Variants in KRCC1 observed in about 807,000 individuals in gnomAD.
The protein encoded by KRCC1 is lysine-rich coiled-coil protein 1.
A neutral mutation model predicts 7.4 loss-of-function variants in KRCC1; 3 were observed. That is an observed-to-expected ratio of 0.40 (90% CI 0.18 to 1.04). The LOEUF (loss-of-function observed/expected upper bound fraction) is 1.04. Among genes scored for constraint, KRCC1 ranks in the 50% least tolerant of loss-of-function variants. The probability of loss-of-function intolerance (pLI) is 0.33; values close to 1 mark genes in which losing one functional copy is unlikely to be tolerated. For synonymous variants in KRCC1, 102 were observed against 101.6 expected, an observed-to-expected ratio of 1.00 and a Z score of -0.02; for missense variants, 277 against 300.9, an observed-to-expected ratio of 0.92 and a Z score of 0.59.
At chr2:88,041,345 C>A (rs1004126033) in intron 1 of KRCC1, among the ~76,000 whole-genome samples, 5 of 151,750 alleles carry the variant, frequency 3.3e-5, no homozygotes, top group African/African-American at 1.2e-4. Flanking sequence ...TTGTTGTTAT[C>A]CCCCAGAAGG....
At chr2:88,031,271 C>A (rs867430957) in intron 3 of KRCC1, among the ~76,000 whole-genome samples, 24 of 151,832 alleles carry the variant, frequency 1.6e-4, no homozygotes, top group African/African-American at 5.8e-4. Context: ...CCTGTGAAGG[C>A]TTAGGCTAAT....
chr2:88,033,020 G>A (rs1673024902), intron 3 of KRCC1, among the ~76,000 whole-genome samples: 1 of 152,156 alleles, frequency 6.6e-6, no homozygotes, highest in Non-Finnish European at 1.5e-5. Flanking sequence ...CTAGAAAATG[G>A]AAACTATAAT....
At chr2:88,051,797 T>C (rs1402050826) in intron 1 of KRCC1, among the ~76,000 whole-genome samples, 2 of 152,376 alleles carry the variant, frequency 1.3e-5, no homozygotes, top group Admixed American at 6.5e-5. Flanking sequence ...TACCCAGCCA[T>C]GTCAAGCCAT....
intron 3 of KRCC1, among the ~76,000 whole-genome samples, chr2:88,029,181 G>A (rs752137485): frequency 6.6e-6 from 1 of 152,170 alleles, no homozygotes. Flanking sequence ...TGTGAGATAA[G>A]CAGGGATGTG....
chr2:88,045,219 C>G (rs1489882196), intron 1 of KRCC1, among the ~76,000 whole-genome samples: 3 of 152,132 alleles, frequency 2.0e-5, no homozygotes, highest in Admixed American at 1.3e-4. Flanking sequence ...ACCATATGAC[C>G]TAGCCATTCT....
At chr2:88,047,558 TCTCA>T (rs1489954235) in intron 1 of KRCC1, among the ~76,000 whole-genome samples, 8 of 152,252 alleles carry the variant, frequency 5.3e-5, no homozygotes, top group African/African-American at 1.9e-4. Flanking sequence ...TGAGACAGGG[TCTCA>T]CTGTCTCCCA....
rs773412217 is a variant in KRCC1, at chr2:88,028,160, C to G, written c.404G>C (p.Arg135Thr). Residue 135 changes from arginine to threonine, a missense_variant, in exon 4 of 4, where the codon AGA becomes ACA. Coordinates refer to ENST00000347055, the MANE Select transcript of KRCC1 (RefSeq NM_016618.3). Reference protein sequence around the residue: ...YICGSHGVEHRVYKHFSSDNS... With the variant: ...YICGSHGVEHTVYKHFSSDNS... Reference sequence around the variant, plus strand: ...ATCTGAGGAGAAGTGCTTGTAAACTCTATGTTCTACACCATGTGAGCCACA... The same window carrying G: ...ATCTGAGGAGAAGTGCTTGTAAACTGTATGTTCTACACCATGTGAGCCACA... 3.1e-6 allele frequency: 5 copies of G among 1,614,126 alleles called. No individual in the cohort carries two copies. In the Middle Eastern group the frequency reaches 8.2e-4, roughly 266 times the overall value.
intron 3 of KRCC1, among the ~76,000 whole-genome samples, chr2:88,028,844 T>A (rs1672938086): frequency 6.6e-6 from 1 of 152,088 alleles, no homozygotes; most frequent in East Asian, 1.9e-4. Context: ...AGAGATGGGG[T>A]ATCACCATGT....
intron 1 of KRCC1, among the ~76,000 whole-genome samples, chr2:88,052,950 A>AT (rs1673529235): frequency 6.6e-6 from 1 of 152,196 alleles, no homozygotes; most frequent in East Asian, 1.9e-4. Flanking sequence ...TATTTTCAAC[A>AT]TTTTAGTCTT....
intron 1 of KRCC1, among the ~76,000 whole-genome samples, chr2:88,048,779 T>C (rs1385956630): frequency 2.0e-5 from 3 of 152,226 alleles, no homozygotes; most frequent in Admixed American, 2.0e-4. Context: ...AGTTCTGTAA[T>C]CCAATACTAT....
At chr2:88,042,920 A>C (rs1195702509) in intron 1 of KRCC1, among the ~76,000 whole-genome samples, 2 of 152,200 alleles carry the variant, frequency 1.3e-5, no homozygotes, top group Admixed American at 1.3e-4. Flanking sequence ...TTTATTAGCA[A>C]TCTATGGGTT....
chr2:88,045,992 G>C (rs1428397223), intron 1 of KRCC1, among the ~76,000 whole-genome samples: 1 of 152,130 alleles, frequency 6.6e-6, no homozygotes, highest in Non-Finnish European at 1.5e-5. Flanking sequence ...AATTGTACAT[G>C]TTATATGTGT....
chr2:88,041,831 C>G (rs1158104529), intron 1 of KRCC1, among the ~76,000 whole-genome samples: 1 of 152,158 alleles, frequency 6.6e-6, no homozygotes, highest in Non-Finnish European at 1.5e-5. Context: ...CTTCCTCTAA[C>G]CTGGACATTA....
chr2:88,050,265 C>A (rs1367857225), intron 1 of KRCC1, among the ~76,000 whole-genome samples: 1 of 152,176 alleles, frequency 6.6e-6, no homozygotes, highest in Non-Finnish European at 1.5e-5. Flanking sequence ...GAGTTAATTA[C>A]TCAATAAGTA....
chr2:88,053,358 T>C (rs1027141436), intron 1 of KRCC1, among the ~76,000 whole-genome samples: 4 of 151,858 alleles, frequency 2.6e-5, no homozygotes, highest in African/African-American at 4.8e-5. Flanking sequence ...TAAAGTCTTT[T>C]GCACATATTT....
intron 2 of KRCC1, among the ~76,000 whole-genome samples, chr2:88,035,502 T>A (rs1468223863): frequency 6.6e-6 from 1 of 152,128 alleles, no homozygotes; most frequent in Non-Finnish European, 1.5e-5. Context: ...AAAGAAAATG[T>A]CTGGGTCCTC....
intron 1 of KRCC1, among the ~76,000 whole-genome samples, chr2:88,039,753 A>ATAT (rs1453778882): frequency 1.3e-5 from 2 of 152,020 alleles, no homozygotes; most frequent in African/African-American, 4.8e-5. Flanking sequence ...AAAGGACTTA[A>ATAT]TTACATTTGA....
chr2:88,028,338 T>G lies in KRCC1; in HGVS notation c.226A>C (p.Asn76His). 6.2e-7 allele frequency: 1 copy of G among 1,614,158 alleles called. No individual in the cohort carries two copies. Among genetic ancestry groups the G allele is most frequent in the Non-Finnish European group, 8.5e-7 (1 of 1,180,036 alleles). The change falls in exon 4 of 4, where the codon AAT becomes CAT. Residue 76 changes from asparagine (N) to histidine (H), a missense_variant. Coordinates refer to ENST00000347055, the MANE Select transcript of KRCC1 (RefSeq NM_016618.3). ...CGATTTTCCACTGTTTGTGGAATAT[T>G]GCATGATCTTGGGTAGGTCTGGATG... Reference protein sequence around the residue: ...ETIQTYPRSCNIPQTVENRLP... With the variant: ...ETIQTYPRSCHIPQTVENRLP...
intron 1 of KRCC1, among the ~76,000 whole-genome samples, chr2:88,039,705 T>C: frequency 6.6e-6 from 1 of 151,752 alleles, no homozygotes; most frequent in South Asian, 2.1e-4. Flanking sequence ...ATATATATTA[T>C]ATATAATATC....
Sources: gnomAD v4.1 joint callset for allele counts (sites outside exome capture counted in the v4.1 genomes callset) on GRCh38, gnomAD v4.1.1 for gene constraint, MANE v1.5 for transcripts, NCBI Gene and HGNC (gene_info 2026-07-23, HGNC 2026-07-21) for gene names.